The following SYT17 variants were observed in gnomAD, a reference collection of about 807,000 sequenced individuals.
SYT17 encodes the protein synaptotagmin 17.
In SYT17, 22 loss-of-function variants were observed where a neutral mutation model predicts 46.7. That is an observed-to-expected ratio of 0.47 (90% CI 0.34 to 0.67). SYT17 has a LOEUF of 0.67. Among genes scored for constraint, SYT17 ranks in the 30% least tolerant of loss-of-function variants. The pLI is 0.01. For missense variants in SYT17, 519 were observed against 612.8 expected (o/e 0.85, Z 1.62); for synonymous variants, 251 against 248.4 (o/e 1.01, Z -0.10).
At chr16:19,224,924 T>A in intron 7 of SYT17, 86 bp downstream of exon 7, 1 of 1,485,400 alleles carries the variant, frequency 6.7e-7, no homozygotes, top group Non-Finnish European at 9.2e-7. Context: ...TAGAGAGAGT[T>A]ACATTTAAGA....
chr16:19,261,978 T>A (rs1969005149), intron 7 of SYT17, among the ~76,000 whole-genome samples: 1 of 152,110 alleles, frequency 6.6e-6, no homozygotes, highest in Non-Finnish European at 1.5e-5. Context: ...GAAGCTTGAA[T>A]AAGGGAATGG....
At position 19,224,735 on chromosome 16, in the gene SYT17, G is replaced by C. The variant is rs768683487; in HGVS notation, c.1125G>C (p.Lys375Asn). The change falls in exon 7 of 8, where the codon AAG becomes AAC. Residue 375 changes from lysine to asparagine, a missense_variant. Coordinates refer to ENST00000355377, the MANE Select transcript of SYT17 (RefSeq NM_016524.4). ...ATGGACTCAAACTTGTGAAAACCAA[G>C]AAGACGTCCTTCTTAAGGGGCACAA... is the stretch of plus-strand genomic sequence containing the variant. ...LVHGLKLVKT[K>N]KTSFLRGTID... The C allele has an allele frequency of 6.2e-7, 1 of 1,614,104 alleles. No individual in the cohort carries two copies. The highest frequency in any genetic ancestry group is 1.3e-5 in the African/African-American group (1 of 75,046).
chr16:19,260,718 A>G (rs756289467), intron 7 of SYT17, among the ~76,000 whole-genome samples: 8 of 152,118 alleles, frequency 5.3e-5, no homozygotes, highest in Non-Finnish European at 8.8e-5. Context: ...TTGGCTTACA[A>G]TATCCAGAAA....
chr16:19,196,031 A>C (rs1328301615), intron 5 of SYT17, among the ~76,000 whole-genome samples: 1 of 152,016 alleles, frequency 6.6e-6, no homozygotes, highest in Non-Finnish European at 1.5e-5. Flanking sequence ...AAAAAGATGG[A>C]GTCATGCTAT....
chr16:19,209,833 G>C (rs565811165), intron 5 of SYT17, among the ~76,000 whole-genome samples: 1 of 152,100 alleles, frequency 6.6e-6, no homozygotes, highest in Non-Finnish European at 1.5e-5. Context: ...AGCTGAGATC[G>C]TGCCACTGCA....
At chr16:19,225,573 T>C (rs1354648985) in intron 7 of SYT17, among the ~76,000 whole-genome samples, 2 of 152,242 alleles carry the variant, frequency 1.3e-5, no homozygotes, top group Non-Finnish European at 1.5e-5. Context: ...TCTGTGTGAA[T>C]ACCTCTGACA....
At chr16:19,200,685 A>G (rs1315490644) in intron 5 of SYT17, among the ~76,000 whole-genome samples, 1 of 152,246 alleles carries the variant, frequency 6.6e-6, no homozygotes, top group African/African-American at 2.4e-5. Context: ...CAGGGTGTCC[A>G]GGGCAGGTGC....
At chr16:19,249,275 A>AAATAAATAAATAAAT (rs373060647) in intron 7 of SYT17, among the ~76,000 whole-genome samples, 5 of 145,340 alleles carry the variant, frequency 3.4e-5, no homozygotes, top group Admixed American at 2.1e-4. Context: ...CGCCGTCTCA[A>AAATAAATAAATAAAT]AAATAAATAA....
At chr16:19,249,306 ATAAGTAAATAAAC>A (rs1967854402) in intron 7 of SYT17, among the ~76,000 whole-genome samples, 1 of 151,066 alleles carries the variant, frequency 6.6e-6, no homozygotes, top group South Asian at 2.1e-4. Flanking sequence ...AAATAAATAA[ATAAGTAAATAAAC>A]TATGGTGGAA....
Position 19,180,435 on chromosome 16 carries a change from C to G in SYT17, c.227C>G (p.Thr76Arg). 1 of 1,614,212 alleles carries G rather than the reference C, an allele frequency of 6.2e-7. No individual in the cohort carries two copies. Among genetic ancestry groups the G allele is most frequent in the Non-Finnish European group, 8.5e-7 (1 of 1,180,034 alleles). Reference sequence around the variant, plus strand: ...GACAAGGATGGTGACTCTGTCCACACGGCCAGCGAAGTCCCGCTGACCCCA... The same window carrying G: ...GACAAGGATGGTGACTCTGTCCACAGGGCCAGCGAAGTCCCGCTGACCCCA... ...SSDKDGDSVH[T>R]ASEVPLTPRT... The change falls in exon 4 of 8, where the codon ACG (threonine) becomes AGG (arginine). Residue 76 changes from threonine to arginine, a missense_variant. Thr to Arg is a moderately conservative substitution (Grantham distance 71). Coordinates refer to ENST00000355377, the MANE Select transcript of SYT17 (RefSeq NM_016524.4).
At chr16:19,245,644 C>G (rs986449518) in intron 7 of SYT17, among the ~76,000 whole-genome samples, 2 of 152,216 alleles carry the variant, frequency 1.3e-5, no homozygotes, top group African/African-American at 4.8e-5. Flanking sequence ...AGTCCACGCT[C>G]ATCTGTGCAG....
chr16:19,237,893 G>T (rs1283989990), intron 7 of SYT17, among the ~76,000 whole-genome samples: 1 of 152,234 alleles, frequency 6.6e-6, no homozygotes, highest in Admixed American at 6.5e-5. Context: ...AGGGTTGGGG[G>T]ACTATGAGTT....
chr16:19,180,148 T>A (rs1964487962), intron 3 of SYT17: 1 of 470,586 alleles, frequency 2.1e-6, no homozygotes, highest in African/African-American at 1.9e-5. Context: ...GCTTTGAAAT[T>A]ATGCAAGTTC....
chr16:19,185,983 A>C (rs112425980), intron 5 of SYT17, among the ~76,000 whole-genome samples: 6 of 152,156 alleles, frequency 3.9e-5, no homozygotes, highest in African/African-American at 1.4e-4. Flanking sequence ...CTTGCGGTAG[A>C]GGAGCTGGCG....
intron 7 of SYT17, among the ~76,000 whole-genome samples, chr16:19,231,948 T>C (rs975842414): frequency 1.3e-5 from 2 of 152,022 alleles, no homozygotes; most frequent in African/African-American, 4.8e-5. Context: ...CATTTCAGAG[T>C]GTCTGACCCA....
At chr16:19,240,039 C>A (rs2142952837) in intron 7 of SYT17, among the ~76,000 whole-genome samples, 1 of 152,332 alleles carries the variant, frequency 6.6e-6, no homozygotes, top group East Asian at 1.9e-4. Context: ...AGCTTGGAGA[C>A]ACCAGGAACC....
intron 6 of SYT17, among the ~76,000 whole-genome samples, chr16:19,223,663 A>C (rs1484827162): frequency 6.6e-6 from 1 of 152,234 alleles, no homozygotes; most frequent in East Asian, 1.9e-4. Context: ...CCATGACAGC[A>C]AAGGATATTA....
chr16:19,248,130 C>T (rs61369739), intron 7 of SYT17, among the ~76,000 whole-genome samples: 6,488 of 152,294 alleles, frequency 0.043, 507 homozygotes, highest in African/African-American at 0.15. Flanking sequence ...AGATGCTGCT[C>T]TTCATCAGTC....
At chr16:19,170,097 A>G (rs1279044003) in intron 1 of SYT17, 3 of 152,058 alleles carry the variant, frequency 2.0e-5, no homozygotes, top group Admixed American at 2.0e-4. Context: ...AAGGTGTTAA[A>G]CTTTGTTGTC....
Sources: allele counts gnomAD v4.1 joint callset (sites outside exome capture counted in the v4.1 genomes callset), GRCh38; gene constraint gnomAD v4.1.1; transcripts MANE v1.5; gene names NCBI Gene and HGNC (gene_info 2026-07-23, HGNC 2026-07-21).